The following BAHD1 variants were observed in gnomAD, a reference collection of about 807,000 sequenced individuals.
The protein encoded by BAHD1 is bromo adjacent homology domain containing 1, also known as bromo adjacent homology domain-containing 1 protein.
Under a neutral mutation model 63.1 loss-of-function variants are expected in BAHD1, and 20 were observed. The observed-to-expected ratio is 0.32, with a 90% CI of 0.22 to 0.46. BAHD1 has a LOEUF of 0.46. BAHD1 is among the 20% of genes least tolerant of loss of function. The pLI, the probability that BAHD1 is intolerant of heterozygous loss-of-function variation, is 1.00. For missense variants in BAHD1, 939 were observed against 1,071.8 expected (o/e 0.88, Z 1.73); for synonymous variants, 408 against 426.8 (o/e 0.96, Z 0.54).
At chr15:40,447,364 C>T (rs1054924091) in intron 1 of BAHD1, among the ~76,000 whole-genome samples, 82 of 151,928 alleles carry the variant, frequency 5.4e-4, no homozygotes, top group African/African-American at 2.0e-3. Flanking sequence ...GTCAGGAGTT[C>T]AAGACCACCC....
In BAHD1 at chr15:40,459,136, G is replaced by A. The variant is rs752320669; in HGVS notation, c.672G>A (p.Arg224=). The change falls in exon 2 of 7, where the codon CGG becomes CGA. Residue 224 remains arginine, a synonymous_variant. Transcript: ENST00000416165. ...GCCAGGAGCGGGAGCTACCCCTGCG[G>A]CTGCCTCGTGCCCATGCAGAAGTAG... ...KLSQERELPL[R]LPRAHAEVDG... 1.1e-5 allele frequency: 18 copies of A among 1,613,132 alleles called. No homozygotes were observed. The highest frequency in any genetic ancestry group is 1.4e-5 in the Non-Finnish European group (16 of 1,179,952).
At chr15:40,465,084 G>A (rs1413954154) in intron 5 of BAHD1, 4 of 535,724 alleles carry the variant, frequency 7.5e-6, no homozygotes. Context: ...GCAGGGCTGG[G>A]GTTTGGGAGG....
chr15:40,443,420 T>G, intron 1 of BAHD1: 2 of 635,754 alleles, frequency 3.1e-6, no homozygotes, highest in Non-Finnish European at 3.9e-6. Context: ...CTCAAGGCCT[T>G]TGTGCCTTCT....
chr15:40,447,624 G>A (rs998272882), intron 1 of BAHD1, among the ~76,000 whole-genome samples: 6 of 151,182 alleles, frequency 4.0e-5, no homozygotes, highest in Admixed American at 1.3e-4. Context: ...AAATAAAAAT[G>A]ATTGAATAAC....
In BAHD1 at chr15:40,466,255, TGGG is replaced by T; in HGVS notation, c.*130_*132del. On this transcript the variant is annotated 3_prime_UTR_variant, in exon 7 of 7. Transcript: ENST00000416165. The stretch of plus-strand genomic sequence containing the variant: ...TAAGTTTGCTGGCCTGTGGTTTTCT[TGGG>T]GGGGAGGGCAGGGGCCCCTGTGGGT... 4 of 356,828 alleles carry T rather than the reference TGGG, an allele frequency of 1.1e-5. No homozygotes were observed. Among genetic ancestry groups the T allele is most frequent in the Non-Finnish European group, 2.0e-5 (4 of 204,994 alleles). The allele number at this position is 356,828 out of a possible 1,614,324, so 22.1% of individuals were successfully genotyped here.
At chr15:40,450,397 T>C (rs1258683835) in intron 1 of BAHD1, among the ~76,000 whole-genome samples, 1 of 152,224 alleles carries the variant, frequency 6.6e-6, no homozygotes, top group Admixed American at 6.5e-5. Flanking sequence ...CTAGCACCTG[T>C]AGTCTTGGCA....
chr15:40,457,445 C>T (rs928723409), intron 1 of BAHD1, among the ~76,000 whole-genome samples: 2 of 152,196 alleles, frequency 1.3e-5, no homozygotes, highest in East Asian at 1.9e-4. Flanking sequence ...ACCATGGGCC[C>T]CTCAAAGCTG....
At chr15:40,440,062 G>A (rs1011157850), upstream of BAHD1, 3 of 152,500 alleles carry the variant, frequency 2.0e-5, no homozygotes, top group African/African-American at 7.2e-5. Flanking sequence ...CCCTCCCCCG[G>A]AGAGCTCTGA....
At chr15:40,460,002 T>TAAC in intron 2 of BAHD1, 106 bp downstream of exon 2, 1 of 1,356,998 alleles carries the variant, frequency 7.4e-7, no homozygotes, top group Non-Finnish European at 9.7e-7. Flanking sequence ...GTCTGGCTGC[T>TAAC]AACTGGAAGG....
rs772749789 is a variant in BAHD1 at position 40,455,966 on chromosome 15, ATGT to A, written c.-14-2465_-14-2463del. Among the ~76,000 whole-genome samples, 494 of 151,958 alleles carry A rather than the reference ATGT, an allele frequency of 3.3e-3. 3 individuals carry two copies. The highest frequency in any genetic ancestry group is 9.9e-3 in the African/African-American group (409 of 41,454). On this transcript the variant is annotated intron_variant, in intron 1 of 6. Coordinates refer to ENST00000416165, the MANE Select transcript of BAHD1 (RefSeq NM_014952.5). ...CCTGTGGGTTATAAGAAATGGGATG[ATGT>A]TGTTGTTGTTGTTGTTGTTTTGAGA...
At chr15:40,464,587 A>C in intron 5 of BAHD1, 40 bp downstream of exon 5, 1 of 1,556,322 alleles carries the variant, frequency 6.4e-7, no homozygotes, top group East Asian at 2.3e-5. Context: ...GGCAGGAGAG[A>C]CAGAGGGAAA....
chr15:40,465,304 T>C, intron 5 of BAHD1, 31 bp from the exon 6 acceptor site: 1 of 1,603,808 alleles, frequency 6.2e-7, no homozygotes, highest in Non-Finnish European at 8.5e-7. Context: ...TTTCCAGCCC[T>C]GGTAACAACC....
chr15:40,460,717 G>T (rs979500524), intron 2 of BAHD1, among the ~76,000 whole-genome samples: 1 of 152,160 alleles, frequency 6.6e-6, no homozygotes, highest in African/African-American at 2.4e-5. Context: ...AGACATGCTG[G>T]CCAGCAGGTC....
rs529448983 is a variant in BAHD1, at chr15:40,446,245, A to G, written c.-15+4977A>G. The stretch of plus-strand genomic sequence containing the variant: ...ATGATCAGTAAAATGGCTAAAAAGG[A>G]GGAGGAGAAAGAGCACCAGCAGCAG... On this transcript the variant is annotated intron_variant, in intron 1 of 6. Transcript: ENST00000416165. 1.5e-4 allele frequency among the ~76,000 whole-genome samples: 23 copies of G among 152,308 alleles called. No individual in the cohort carries two copies. The South Asian group carries it at 1.9e-3, about 12-fold the overall frequency.
chr15:40,451,389 T>C (rs1459794071), intron 1 of BAHD1, among the ~76,000 whole-genome samples: 3 of 152,242 alleles, frequency 2.0e-5, no homozygotes, highest in African/African-American at 7.2e-5. Context: ...ATTATAGCCC[T>C]TGTCACACTA....
chr15:40,444,976 C>G (rs1893496024), intron 1 of BAHD1, among the ~76,000 whole-genome samples: 1 of 151,996 alleles, frequency 6.6e-6, no homozygotes, highest in Admixed American at 6.6e-5. Flanking sequence ...AAAAAAATCC[C>G]TACTACTTCT....
chr15:40,462,389 CT>C, intron 3 of BAHD1, 95 bp downstream of exon 3: 1 of 1,475,702 alleles, frequency 6.8e-7, no homozygotes, highest in Non-Finnish European at 9.1e-7. Flanking sequence ...CTGGTTCTAG[CT>C]ACTCTGAGAG....
At chr15:40,451,399 A>G (rs1893699058) in intron 1 of BAHD1, among the ~76,000 whole-genome samples, 1 of 152,184 alleles carries the variant, frequency 6.6e-6, no homozygotes, top group Non-Finnish European at 1.5e-5. Context: ...TTGTCACACT[A>G]TCTTGTTCTG....
chr15:40,462,692 A>T (rs944911196), intron 3 of BAHD1, among the ~76,000 whole-genome samples: 1 of 152,086 alleles, frequency 6.6e-6, no homozygotes, highest in Non-Finnish European at 1.5e-5. Context: ...CACAGAGAAC[A>T]TCTCGGATGA....
Sources: allele counts gnomAD v4.1 joint callset (sites outside exome capture counted in the v4.1 genomes callset), GRCh38; gene constraint gnomAD v4.1.1; transcripts MANE v1.5; gene names NCBI Gene and HGNC (gene_info 2026-07-23, HGNC 2026-07-21).